The following BTC variants were observed in gnomAD, a reference collection of about 807,000 sequenced individuals.
BTC encodes probetacellulin.
In BTC, 13 loss-of-function variants were observed where a neutral mutation model predicts 18.1. The ratio of observed to expected loss-of-function variants is 0.72; its 90% CI spans 0.47 to 1.14. BTC has a LOEUF of 1.14. BTC is among the 50% of genes most tolerant of loss of function. The pLI is 0.00. For missense variants in BTC, 247 were observed against 224.2 expected, an observed-to-expected ratio of 1.10 and a Z score of -0.65; for synonymous variants, 83 against 79.4, an observed-to-expected ratio of 1.05 and a Z score of -0.24.
chr4:74,748,024 AG>A lies in BTC; in HGVS notation c.*1+15del. ...TCACCTGAATAGTTTTCTATCAGCA[AG>A]TTTATCTCACTTACTTTAAGCAATA... On this transcript the variant is annotated intron_variant, in intron 5 of 5. Transcript: ENST00000395743. 1 of 1,466,184 alleles carries A rather than the reference AG, an allele frequency of 6.8e-7. No homozygotes were observed. Among genetic ancestry groups the A allele is most frequent in the Non-Finnish European group, 9.4e-7 (1 of 1,063,454 alleles). 90.8% of individuals were successfully genotyped at this position (1,466,184 alleles called of 1,614,324 possible).
chr4:74,773,083 C>T (rs1725087503), intron 1 of BTC, among the ~76,000 whole-genome samples: 1 of 152,224 alleles, frequency 6.6e-6, no homozygotes, highest in Non-Finnish European at 1.5e-5. Flanking sequence ...GCTCCTCTTC[C>T]TGCCCACCCC....
intron 1 of BTC, among the ~76,000 whole-genome samples, chr4:74,788,462 T>C (rs891422330): frequency 2.0e-5 from 3 of 152,228 alleles, no homozygotes; most frequent in African/African-American, 7.2e-5. Context: ...TCCTTAAGGA[T>C]TGAACTATTA....
intron 2 of BTC, 109 bp downstream of exon 2, chr4:74,769,949 C>T: frequency 1.1e-6 from 1 of 875,794 alleles, no homozygotes; most frequent in Non-Finnish European, 1.8e-6. Context: ...GCACTTAGCA[C>T]AGTGACTGGT....
intron 1 of BTC, among the ~76,000 whole-genome samples, chr4:74,793,647 C>A (rs1725690311): frequency 6.6e-6 from 1 of 152,140 alleles, no homozygotes; most frequent in African/African-American, 2.4e-5. Context: ...CTGCTTCCAG[C>A]CACATCTGAA....
chr4:74,765,061 C>T (rs1358264413), intron 2 of BTC, among the ~76,000 whole-genome samples: 1 of 89,392 alleles, frequency 1.1e-5, no homozygotes, highest in African/African-American at 1.0e-4. Flanking sequence ...TCAATTATTT[C>T]TACCTGTCCC....
chr4:74,756,890 G>A (rs1323751538), intron 2 of BTC, among the ~76,000 whole-genome samples: 3 of 152,130 alleles, frequency 2.0e-5, no homozygotes, highest in African/African-American at 4.8e-5. Context: ...CCCCATCACC[G>A]ACATGTAAAA....
At chr4:74,789,662 C>T (rs1484463841) in intron 1 of BTC, among the ~76,000 whole-genome samples, 1 of 152,062 alleles carries the variant, frequency 6.6e-6, no homozygotes, top group Non-Finnish European at 1.5e-5. Flanking sequence ...TTATTTTGTC[C>T]TAAGAAAACT....
chr4:74,781,723 A>G (rs1222123480), intron 1 of BTC, among the ~76,000 whole-genome samples: 3 of 151,900 alleles, frequency 2.0e-5, no homozygotes, highest in Non-Finnish European at 4.4e-5. Flanking sequence ...ATGGTAAAAT[A>G]CATATAACAA....
chr4:74,751,186 G>A (rs1210435804), intron 3 of BTC, among the ~76,000 whole-genome samples: 1 of 152,150 alleles, frequency 6.6e-6, no homozygotes, highest in Non-Finnish European at 1.5e-5. Flanking sequence ...GCTAATGCAT[G>A]TGAAAGTTCA....
chr4:74,781,640 T>A (rs182681177), intron 1 of BTC, among the ~76,000 whole-genome samples: 6 of 152,198 alleles, frequency 3.9e-5, no homozygotes, highest in African/African-American at 1.4e-4. Flanking sequence ...CAGCTCTTTT[T>A]CTGACTCCCA....
intron 1 of BTC, among the ~76,000 whole-genome samples, chr4:74,785,801 A>T (rs774475663): frequency 6.6e-6 from 1 of 152,206 alleles, no homozygotes. Context: ...TAGTTCTCCT[A>T]AAGCCAGAAC....
At chr4:74,747,698 A>G (rs1193818674) in intron 5 of BTC, among the ~76,000 whole-genome samples, 1 of 152,180 alleles carries the variant, frequency 6.6e-6, no homozygotes, top group Non-Finnish European at 1.5e-5. Context: ...TAAATGCTCA[A>G]TATATGTAGT....
chr4:74,759,268 C>A (rs1724686072), intron 2 of BTC, among the ~76,000 whole-genome samples: 1 of 151,780 alleles, frequency 6.6e-6, no homozygotes, highest in Non-Finnish European at 1.5e-5. Context: ...TGTCGTATTT[C>A]TCTGCTGTAA....
chr4:74,785,992 G>A (rs555339476), intron 1 of BTC, among the ~76,000 whole-genome samples: 40 of 152,248 alleles, frequency 2.6e-4, no homozygotes, highest in Non-Finnish European at 4.7e-4. Context: ...TTATTGTGAA[G>A]ATCAAATGAG....
At chr4:74,754,005 T>G (rs1387085134) in intron 3 of BTC, among the ~76,000 whole-genome samples, 2 of 152,232 alleles carry the variant, frequency 1.3e-5, no homozygotes, top group African/African-American at 4.8e-5. Context: ...ACAGTATTAT[T>G]ACTCTCTCTT....
intron 1 of BTC, among the ~76,000 whole-genome samples, chr4:74,790,125 T>C (rs1183978541): frequency 2.6e-5 from 4 of 152,212 alleles, no homozygotes; most frequent in Admixed American, 1.3e-4. Context: ...AGCAGGAATT[T>C]GAGAAATGAA....
At chr4:74,775,213 G>A (rs1228460488) in intron 1 of BTC, among the ~76,000 whole-genome samples, 1 of 152,080 alleles carries the variant, frequency 6.6e-6, no homozygotes, top group Non-Finnish European at 1.5e-5. Flanking sequence ...CTATTTTGGG[G>A]AATCATGGAA....
intron 2 of BTC, among the ~76,000 whole-genome samples, chr4:74,759,230 C>T (rs1416320733): frequency 6.6e-6 from 1 of 151,984 alleles, no homozygotes; most frequent in Non-Finnish European, 1.5e-5. Context: ...AAAGTTAATC[C>T]TATGACAAAA....
In BTC at chr4:74,748,029, A is replaced by G; in HGVS notation, c.*1+11T>C. On this transcript the variant is annotated intron_variant, in intron 5 of 5. Transcript: ENST00000395743. Reference sequence around the variant, plus strand: ...TGAATAGTTTTCTATCAGCAAGTTTATCTCACTTACTTTAAGCAATATTTG... The same window carrying G: ...TGAATAGTTTTCTATCAGCAAGTTTGTCTCACTTACTTTAAGCAATATTTG... 2.0e-6 allele frequency: 3 copies of G among 1,499,462 alleles called. No individual in the cohort carries two copies. Among genetic ancestry groups the G allele is most frequent in the Non-Finnish European group, 2.8e-6 (3 of 1,090,532 alleles). The allele number at this position is 1,499,462 out of a possible 1,614,324, so 92.9% of individuals were successfully genotyped here. A position where few individuals can be genotyped will look rare whatever the true frequency, so the allele number is the denominator to read the frequency against.
Sources: allele counts gnomAD v4.1 joint callset (sites outside exome capture counted in the v4.1 genomes callset), GRCh38; gene constraint gnomAD v4.1.1; transcripts MANE v1.5; gene names NCBI Gene and HGNC (gene_info 2026-07-23, HGNC 2026-07-21).